Variants in TMEM176B observed in about 807,000 individuals in gnomAD.
TMEM176B encodes transmembrane protein 176B.
TMEM176B carries 28 observed loss-of-function variants against 30.3 expected under a neutral mutation model. That is an observed-to-expected ratio of 0.92 (90% confidence interval 0.68 to 1.27). The LOEUF (loss-of-function observed/expected upper bound fraction) is 1.27. Among genes scored for constraint, TMEM176B ranks in the 50% most tolerant of loss-of-function variants. The pLI, the probability that TMEM176B is intolerant of heterozygous loss-of-function variation, is 0.00. For missense variants in TMEM176B, 349 were observed against 327.4 expected (o/e 1.07, Z -0.51); for synonymous variants, 123 against 130.3 (o/e 0.94, Z 0.38).
chr7:150,798,810 C>G (rs944340728), intron 1 of TMEM176B, among the ~76,000 whole-genome samples: 1 of 152,096 alleles, frequency 6.6e-6, no homozygotes, highest in Non-Finnish European at 1.5e-5. Context: ...ATCCTATGTC[C>G]TTGTTTCGTT....
At chr7:150,791,921 G>C (rs1798326445) in intron 6 of TMEM176B, 135 bp downstream of exon 6, 5 of 1,312,034 alleles carry the variant, frequency 3.8e-6, no homozygotes, top group African/African-American at 1.5e-5. Context: ...AAAGGGGAGA[G>C]CTGCATATGG....
At chr7:150,792,793 G>T (rs1166429559) in intron 5 of TMEM176B, among the ~76,000 whole-genome samples, 2 of 152,196 alleles carry the variant, frequency 1.3e-5, no homozygotes, top group Non-Finnish European at 2.9e-5. Flanking sequence ...TTTTGGTGTG[G>T]TTTTTAATTC....
chr7:150,791,721 A>C, intron 6 of TMEM176B, 98 bp from the exon 7 acceptor site: 1 of 1,159,340 alleles, frequency 8.6e-7, no homozygotes, highest in Non-Finnish European at 1.2e-6. Context: ...GGAGGAGGGA[A>C]AGGAAAAGGT....
At position 150,796,383 on chromosome 7, in the gene TMEM176B, C is replaced by A. The variant is rs141592438; in HGVS notation, c.187G>T (p.Glu63Ter). The change falls in exon 2 of 7, where the codon GAG becomes TAG. Residue 63 changes from glutamate (E) to a stop codon, truncating the protein, a stop_gained. Coordinates refer to ENST00000326442, the MANE Select transcript of TMEM176B (RefSeq NM_001101312.2). LOFTEE classifies it high-confidence loss of function. ...TVPSTARIGY[E>*]QLALGVTQIL... is the part of the protein sequence containing the mutation. ...AGTCTTACCCCTAGAGCCAGCTGCTCATAACCAATCCTGGCTGTGGAAGGC... is the reference window on the plus strand; with the variant it reads ...AGTCTTACCCCTAGAGCCAGCTGCTAATAACCAATCCTGGCTGTGGAAGGC... 2.5e-6 allele frequency: 4 copies of A among 1,614,206 alleles called. No individual in the cohort carries two copies. Among genetic ancestry groups the A allele is most frequent in the Admixed American group, 3.3e-5 (2 of 60,024 alleles).
intron 5 of TMEM176B, 36 bp from the exon 6 acceptor site, chr7:150,792,211 C>A: frequency 6.2e-7 from 1 of 1,608,542 alleles, no homozygotes; most frequent in South Asian, 1.1e-5. Flanking sequence ...AGTCAGGTGT[C>A]AGCTACTCCA....
chr7:150,799,785 G>C lies in TMEM176B; in HGVS notation c.-6+513C>G, dbSNP rs985734153. On this transcript the variant is annotated intron_variant, in intron 1 of 6. Coordinates refer to ENST00000326442, the MANE Select transcript of TMEM176B (RefSeq NM_001101312.2). ...CTACCTCCGGGCCCCCAGGACCACC[G>C]CTTCCCCCGCCCCACGCCAACCCCT... Among the ~76,000 whole-genome samples, 4 of 152,162 alleles carry C rather than the reference G, an allele frequency of 2.6e-5. No homozygotes were observed. The East Asian group carries it at 7.7e-4, about 29-fold the overall frequency.
intron 5 of TMEM176B, among the ~76,000 whole-genome samples, chr7:150,792,648 G>A (rs750645065): frequency 9.2e-5 from 14 of 152,128 alleles, no homozygotes; most frequent in Non-Finnish European, 1.3e-4. Flanking sequence ...CTCCAGCCTC[G>A]GCGAGCACTT....
chr7:150,793,348 C>T (rs10215048), intron 4 of TMEM176B, 33 bp from the exon 5 acceptor site: 246,216 of 1,593,008 alleles, frequency 0.15, 19,806 homozygotes, highest in Non-Finnish European at 0.17. Context: ...ACACACGCTC[C>T]TTCAATCGGT....
intron 3 of TMEM176B, 35 bp downstream of exon 3, chr7:150,793,926 C>T: frequency 6.5e-7 from 1 of 1,529,198 alleles, no homozygotes; most frequent in African/African-American, 1.4e-5. Flanking sequence ...TCACCACTTG[C>T]CTCCCTCCAG....
chr7:150,791,707 G>T, intron 6 of TMEM176B, 84 bp from the exon 7 acceptor site: 2 of 1,249,862 alleles, frequency 1.6e-6, no homozygotes. Context: ...GCAGAAAGAG[G>T]AAAGGAGGAG....
Position 150,796,404 on chromosome 7 carries a change from AAG to A in TMEM176B, c.164_165del (p.Pro55LeufsTer8). 6.2e-7 allele frequency: 1 copy of A among 1,614,172 alleles called. No individual in the cohort carries two copies. The highest frequency in any genetic ancestry group is 8.5e-7 in the Non-Finnish European group (1 of 1,180,028). ...KFLFHPGDTV[P>X]STARIGYEQL... The stretch of plus-strand genomic sequence containing the variant: ...TGCTCATAACCAATCCTGGCTGTGG[AAG>A]GCACAGTGTCCCCAGGGTGAAAAAG... On this transcript the variant is annotated frameshift_variant, in exon 2 of 7. Coordinates refer to ENST00000326442, the MANE Select transcript of TMEM176B (RefSeq NM_001101312.2). LOFTEE classifies it high-confidence loss of function.
chr7:150,795,339 C>A (rs1022446887), intron 2 of TMEM176B, among the ~76,000 whole-genome samples: 1 of 152,190 alleles, frequency 6.6e-6, no homozygotes, highest in Non-Finnish European at 1.5e-5. Flanking sequence ...ATAGAACTTG[C>A]CCTATGCCTT....
intron 5 of TMEM176B, 76 bp from the exon 6 acceptor site, chr7:150,792,251 C>A: frequency 1.3e-6 from 2 of 1,571,418 alleles, no homozygotes; most frequent in South Asian, 2.3e-5. Context: ...CCTCTCCACC[C>A]ACCCAGGCAC....
intron 2 of TMEM176B, among the ~76,000 whole-genome samples, chr7:150,794,940 CACACA>C (rs1798468657): frequency 6.6e-6 from 1 of 150,536 alleles, no homozygotes; most frequent in Non-Finnish European, 1.5e-5. Flanking sequence ...CACACACACA[CACACA>C]CACCTCTCGA....
Position 150,791,356 on chromosome 7 carries a change from T to A in TMEM176B, c.*175A>T, listed in dbSNP as rs1396736555. On this transcript the variant is annotated 3_prime_UTR_variant, in exon 7 of 7. Transcript: ENST00000326442. ...CAGCATTGTGGAAAATGCAACAATA[T>A]CTGTTCATGGACTTGAGAACCCCAG... 7.4e-6 allele frequency: 4 copies of A among 541,802 alleles called. No individual in the cohort carries two copies. The highest frequency in any genetic ancestry group is 1.3e-5 in the Non-Finnish European group (4 of 304,382). The allele number at this position is 541,802 out of a possible 1,614,324, so 33.6% of individuals were successfully genotyped here. A position where few individuals can be genotyped will look rare whatever the true frequency, so the allele number is the denominator to read the frequency against.
rs1289701922 is a variant in TMEM176B at position 150,800,300 on chromosome 7, G to A, written c.-8C>T. The A allele has an allele frequency of 6.6e-6, 1 of 152,380 alleles. No individual in the cohort carries two copies. The highest frequency in any genetic ancestry group is 1.5e-5 in the Non-Finnish European group (1 of 68,190). 9.4% of individuals were successfully genotyped at this position (152,380 alleles called of 1,614,324 possible). ...GGGCCGCGGAGGCCCTGCCTCACCT[G>A]CAGTCCTCCGGGAGCCCGCGGCCGA... On this transcript the variant is annotated splice_region_variant and 5_prime_UTR_variant, in exon 1 of 7. Transcript: ENST00000326442.
At position 150,797,951 on chromosome 7, in the gene TMEM176B, G is replaced by A. The variant is rs954994880; in HGVS notation, c.-5-1377C>T. On this transcript the variant is annotated intron_variant, in intron 1 of 6. Transcript: ENST00000326442. ...GTAGATATTGTCAGTTATCCTCCAC[G>A]GAGGTGGTAGCAATTCACATGCAGG... Among the ~76,000 whole-genome samples, 7 of 152,162 alleles carry A rather than the reference G, an allele frequency of 4.6e-5. No homozygotes were observed. In the East Asian group the frequency reaches 1.2e-3, roughly 25 times the overall value.
chr7:150,796,050 C>G (rs1196711272), intron 2 of TMEM176B, among the ~76,000 whole-genome samples: 1 of 152,224 alleles, frequency 6.6e-6, no homozygotes, highest in Non-Finnish European at 1.5e-5. Flanking sequence ...CCAGCTTTAT[C>G]TACAGCTTCT....
intron 2 of TMEM176B, among the ~76,000 whole-genome samples, chr7:150,795,017 C>T (rs998200425): frequency 6.6e-6 from 1 of 152,016 alleles, no homozygotes; most frequent in African/African-American, 2.4e-5. Context: ...TCAACCCTCT[C>T]TGCATGCTGT....
Sources: gnomAD v4.1 joint callset for allele counts (sites outside exome capture counted in the v4.1 genomes callset) on GRCh38, gnomAD v4.1.1 for gene constraint, MANE v1.5 for transcripts, NCBI Gene and HGNC (gene_info 2026-07-23, HGNC 2026-07-21) for gene names.